The following CD38 variants were observed in gnomAD, a reference collection of about 807,000 sequenced individuals.
CD38 encodes the protein ADP-ribosyl cyclase/cyclic ADP-ribose hydrolase 1.
CD38 carries 31 observed loss-of-function variants against 36.3 expected under a neutral mutation model. That is an observed-to-expected ratio of 0.85 (90% CI 0.64 to 1.15). The LOEUF (loss-of-function observed/expected upper bound fraction) is 1.15, where lower values mean the gene tolerates loss of function less well. Ranked by LOEUF, CD38 falls within the 50% of genes most tolerant of loss-of-function variation. The probability of loss-of-function intolerance (pLI) is 0.00; values close to 1 mark genes in which losing one functional copy is unlikely to be tolerated. For missense variants in CD38, 380 were observed against 371.9 expected (o/e 1.02, Z -0.18); for synonymous variants, 131 against 135.2 (o/e 0.97, Z 0.22).
At chr4:15,812,349 T>C (rs1422839717) in intron 1 of CD38, among the ~76,000 whole-genome samples, 2 of 152,254 alleles carry the variant, frequency 1.3e-5, no homozygotes, top group Non-Finnish European at 2.9e-5. Flanking sequence ...GGGATTTTTA[T>C]AGAGATTACA....
At chr4:15,834,933 T>G (rs926671320) in intron 4 of CD38, among the ~76,000 whole-genome samples, 1 of 152,146 alleles carries the variant, frequency 6.6e-6, no homozygotes, top group African/African-American at 2.4e-5. Flanking sequence ...GTTTTACATA[T>G]TTATGGGGTA....
rs1474990631 is a variant in CD38 at position 15,852,116 on chromosome 4, T to C, written c.*3514T>C. On this transcript the variant is annotated 3_prime_UTR_variant, in exon 8 of 8. Coordinates refer to ENST00000226279, the MANE Select transcript of CD38 (RefSeq NM_001775.4). ...TTTCCTGTTACAACAACAGTGTCTC[T>C]CAATCCACAGTAATTGCAGCATCCA... 6.6e-6 allele frequency: 1 copy of C among 152,242 alleles called. No individual in the cohort carries two copies. Among genetic ancestry groups the C allele is most frequent in the East Asian group, 1.9e-4 (1 of 5,206 alleles). 9.4% of individuals were successfully genotyped at this position (152,242 alleles called of 1,614,324 possible).
intron 7 of CD38, among the ~76,000 whole-genome samples, chr4:15,847,848 T>C (rs1280771941): frequency 6.6e-6 from 1 of 152,194 alleles, no homozygotes; most frequent in African/African-American, 2.4e-5. Flanking sequence ...TGCTTTAGGC[T>C]CCAAGTGAGC....
chr4:15,815,879 A>T (rs1182001528), intron 1 of CD38, among the ~76,000 whole-genome samples: 1 of 152,176 alleles, frequency 6.6e-6, no homozygotes, highest in Non-Finnish European at 1.5e-5. Flanking sequence ...TTGCCCATTT[A>T]GTATGATATG....
intron 2 of CD38, among the ~76,000 whole-genome samples, chr4:15,821,527 C>T (rs1254734838): frequency 1.3e-5 from 2 of 151,648 alleles, no homozygotes; most frequent in African/African-American, 4.8e-5. Context: ...ATACAAACAA[C>T]CATCAGAGAA....
intron 1 of CD38, among the ~76,000 whole-genome samples, chr4:15,789,457 A>G (rs1277181515): frequency 1.3e-5 from 2 of 152,032 alleles, no homozygotes; most frequent in African/African-American, 2.4e-5. Flanking sequence ...AAAAGTGGTT[A>G]GTTTCTCAGG....
intron 1 of CD38, among the ~76,000 whole-genome samples, chr4:15,813,559 A>G (rs369315531): frequency 6.6e-6 from 1 of 152,046 alleles, no homozygotes; most frequent in Non-Finnish European, 1.5e-5. Context: ...TAAGCCCTAC[A>G]TGCATTAGGT....
chr4:15,828,738 T>C (rs536548053), intron 3 of CD38, among the ~76,000 whole-genome samples: 1 of 152,350 alleles, frequency 6.6e-6, no homozygotes, highest in African/African-American at 2.4e-5. Flanking sequence ...CTCAGGTTGA[T>C]TCCATATCTT....
intron 1 of CD38, among the ~76,000 whole-genome samples, chr4:15,797,492 T>A (rs568778221): frequency 6.6e-6 from 1 of 152,340 alleles, no homozygotes; most frequent in South Asian, 2.1e-4. Flanking sequence ...TAAGGTAGAA[T>A]GACTAAAGTT....
chr4:15,788,145 A>C (rs1722881997), intron 1 of CD38, among the ~76,000 whole-genome samples: 1 of 151,930 alleles, frequency 6.6e-6, no homozygotes, highest in Admixed American at 6.6e-5. Context: ...CTTAACAATC[A>C]CTTCTTAGAG....
intron 1 of CD38, among the ~76,000 whole-genome samples, chr4:15,780,358 G>T (rs1722663525): frequency 6.6e-6 from 1 of 152,052 alleles, no homozygotes; most frequent in South Asian, 2.1e-4. Context: ...GCATCTAATT[G>T]TTCCCTCAGT....
At chr4:15,805,859 G>A (rs186102324) in intron 1 of CD38, among the ~76,000 whole-genome samples, 8 of 152,288 alleles carry the variant, frequency 5.3e-5, no homozygotes, top group Admixed American at 2.0e-4. Flanking sequence ...ATTAATAGCT[G>A]AGTTAACCTG....
chr4:15,808,683 T>C (rs931250935), intron 1 of CD38, among the ~76,000 whole-genome samples: 3 of 152,228 alleles, frequency 2.0e-5, no homozygotes, highest in Admixed American at 2.0e-4. Context: ...GCCCTGGTTT[T>C]AAGGTCTTAG....
In CD38 at chr4:15,849,975, T is replaced by C. The variant is rs1032114771; in HGVS notation, c.*1373T>C. ...TTCAATTCATTGTTATATAAAAATATGTGCCTAGTTTTTAACATCTGGAGA... is the reference window on the plus strand; with the variant it reads ...TTCAATTCATTGTTATATAAAAATACGTGCCTAGTTTTTAACATCTGGAGA... On this transcript the variant is annotated 3_prime_UTR_variant, in exon 8 of 8. Transcript: ENST00000226279. 1.3e-5 allele frequency: 2 copies of C among 152,200 alleles called. No homozygotes were observed. The highest frequency in any genetic ancestry group is 2.9e-5 in the Non-Finnish European group (2 of 68,024). The allele number at this position is 152,200 out of a possible 1,614,324, so 9.4% of individuals were successfully genotyped here.
intron 1 of CD38, among the ~76,000 whole-genome samples, chr4:15,798,678 G>C (rs2148917931): frequency 6.6e-6 from 1 of 152,308 alleles, no homozygotes; most frequent in Middle Eastern, 3.4e-3. Context: ...CAAATTTGTT[G>C]TATCACTTTA....
At chr4:15,783,861 A>G (rs897958689) in intron 1 of CD38, among the ~76,000 whole-genome samples, 2 of 152,148 alleles carry the variant, frequency 1.3e-5, no homozygotes, top group African/African-American at 4.8e-5. Context: ...TGACTGTAGG[A>G]TTTTCTCAGG....
intron 1 of CD38, among the ~76,000 whole-genome samples, chr4:15,811,946 GT>G (rs374855335): frequency 3.9e-5 from 6 of 152,324 alleles, no homozygotes; most frequent in African/African-American, 1.4e-4. Context: ...TTTTAAAAAT[GT>G]TTGGGCCCTC....
rs192983308 is a variant in CD38 at position 15,824,143 on chromosome 4, G to A, written c.364-738G>A. 1.4e-3 allele frequency among the ~76,000 whole-genome samples: 215 copies of A among 152,212 alleles called. 1 individual carries two copies. Among genetic ancestry groups the A allele is most frequent in the African/African-American group, 4.9e-3 (203 of 41,520 alleles). On this transcript the variant is annotated intron_variant, in intron 2 of 7. Coordinates refer to ENST00000226279, the MANE Select transcript of CD38 (RefSeq NM_001775.4). The stretch of plus-strand genomic sequence containing the variant: ...AGGGGAAAAACACACACTGTAGCTT[G>A]TTGGGGTTGGGGTGAGGGGAGTGAG...
At chr4:15,838,006 C>A (rs376155634) in intron 4 of CD38, 86 bp from the exon 5 acceptor site, 7 of 1,040,890 alleles carry the variant, frequency 6.7e-6, no homozygotes, top group Non-Finnish European at 8.8e-6. Context: ...CCTTAACCAG[C>A]TATTGCTAAG....
Sources: allele counts gnomAD v4.1 joint callset (sites outside exome capture counted in the v4.1 genomes callset), GRCh38; gene constraint gnomAD v4.1.1; transcripts MANE v1.5; gene names NCBI Gene and HGNC (gene_info 2026-07-23, HGNC 2026-07-21).